Variants in SRBD1 observed in about 807,000 individuals in gnomAD.
The protein encoded by SRBD1 is S1 RNA binding domain 1, also known as S1 RNA-binding domain-containing protein 1.
A neutral mutation model predicts 115.3 loss-of-function variants in SRBD1; 88 were observed. The ratio of observed to expected loss-of-function variants is 0.76; its 90% CI spans 0.64 to 0.91. The LOEUF (loss-of-function observed/expected upper bound fraction) is 0.91, where lower values mean the gene tolerates loss of function less well. Ranked by LOEUF, SRBD1 falls within the 40% of genes least tolerant of loss-of-function variation. The pLI, the probability that SRBD1 is intolerant of heterozygous loss-of-function variation, is 0.00. For missense variants in SRBD1, 1,385 were observed against 1,177.4 expected, an observed-to-expected ratio of 1.18 and a Z score of -2.58; for synonymous variants, 509 against 407.7, an observed-to-expected ratio of 1.25 and a Z score of -2.99.
Position 45,559,908 on chromosome 2 carries a change from CCT to C in SRBD1, c.1409+2743_1409+2744del, listed in dbSNP as rs1347334076. ...ACAGCCTGGGAAATATGGCAAAACC[CCT>C]GTCTCTACAAGAAAGAAAAATTTAG... On this transcript the variant is annotated intron_variant, in intron 10 of 20. Coordinates refer to ENST00000263736, the MANE Select transcript of SRBD1 (RefSeq NM_018079.5). Among the ~76,000 whole-genome samples the C allele has an allele frequency of 2.0e-5, 3 of 151,934 alleles. No homozygotes were observed. The East Asian group carries it at 5.8e-4, about 30-fold the overall frequency.
chr2:45,433,586 C>A (rs539028375), intron 16 of SRBD1, among the ~76,000 whole-genome samples: 81 of 152,226 alleles, frequency 5.3e-4, no homozygotes, highest in African/African-American at 1.9e-3. Flanking sequence ...CCATGACAGA[C>A]AGAACTGACA....
chr2:45,604,207 C>G (rs1311820638), intron 2 of SRBD1, among the ~76,000 whole-genome samples: 1 of 151,980 alleles, frequency 6.6e-6, no homozygotes, highest in African/African-American at 2.4e-5. Context: ...GAATATTTTA[C>G]AAATATAAAC....
chr2:45,528,547 G>T (rs959538540), intron 14 of SRBD1, among the ~76,000 whole-genome samples: 2 of 151,816 alleles, frequency 1.3e-5, no homozygotes, highest in Non-Finnish European at 2.9e-5. Context: ...AGCTAAATTT[G>T]GTTGAAACTG....
intron 18 of SRBD1, among the ~76,000 whole-genome samples, chr2:45,414,926 C>CACACACAGTGTTATATAGTATGT (rs1667763673): frequency 1.1e-5 from 1 of 90,532 alleles, no homozygotes; most frequent in Non-Finnish European, 2.2e-5. Context: ...ATAGTATGTA[C>CACACACAGTGTTATATAGTATGT]ACACACAGTG....
intron 14 of SRBD1, among the ~76,000 whole-genome samples, chr2:45,525,117 A>G (rs1671402987): frequency 6.6e-6 from 1 of 151,996 alleles, no homozygotes; most frequent in African/African-American, 2.4e-5. Context: ...CCCTTACTTT[A>G]CACCATGTAC....
chr2:45,410,272 G>T (rs1365293029), intron 19 of SRBD1, among the ~76,000 whole-genome samples: 1 of 152,176 alleles, frequency 6.6e-6, no homozygotes, highest in South Asian at 2.1e-4. Flanking sequence ...AAGGTAACCA[G>T]AATTCTCATG....
intron 10 of SRBD1, among the ~76,000 whole-genome samples, chr2:45,559,521 G>A (rs989075283): frequency 1.6e-4 from 24 of 152,044 alleles, no homozygotes; most frequent in African/African-American, 5.1e-4. Context: ...ATTAAACTAC[G>A]CTGTCATCAT....
At chr2:45,549,602 G>C (rs759892682) in intron 12 of SRBD1, among the ~76,000 whole-genome samples, 1 of 148,906 alleles carries the variant, frequency 6.7e-6, no homozygotes, top group Admixed American at 6.8e-5. Context: ...GGTAATCCCA[G>C]CACTTTGGAA....
In SRBD1 at chr2:45,441,656, T is replaced by C. The variant is rs556522257; in HGVS notation, c.2050-21762A>G. Among the ~76,000 whole-genome samples, 539 of 152,348 alleles carry C rather than the reference T, an allele frequency of 3.5e-3. 9 individuals carry two copies. The highest frequency in any genetic ancestry group is 0.012 in the African/African-American group (515 of 41,592). On this transcript the variant is annotated intron_variant, in intron 16 of 20. Transcript: ENST00000263736. ...AAACCAGGGACAAATTTCTAACAGT[T>C]CGGCTTTTGGATTCTTCTTGCTGAA...
intron 15 of SRBD1, among the ~76,000 whole-genome samples, chr2:45,483,823 C>T (rs551595530): frequency 6.6e-6 from 1 of 151,914 alleles, no homozygotes; most frequent in Non-Finnish European, 1.5e-5. Context: ...TTTTAGAAGT[C>T]GATGCAAATC....
intron 7 of SRBD1, among the ~76,000 whole-genome samples, chr2:45,577,472 A>G (rs1162652859): frequency 6.6e-6 from 1 of 152,202 alleles, no homozygotes; most frequent in African/African-American, 2.4e-5. Flanking sequence ...CGAAAGGCCA[A>G]CATTTCTTTT....
rs181027053 is a variant in SRBD1, at chr2:45,593,134, T to A, written c.648+6315A>T. Reference sequence around the variant, plus strand: ...ATTTTTTGTACTTCTAAGACAGAGGTACTTATTTTGACTGTTGTTTTAGGC... The same window carrying A: ...ATTTTTTGTACTTCTAAGACAGAGGAACTTATTTTGACTGTTGTTTTAGGC... On this transcript the variant is annotated intron_variant, in intron 4 of 20. Transcript: ENST00000263736. Among the ~76,000 whole-genome samples the A allele has an allele frequency of 2.2e-3, 332 of 152,276 alleles. 3 individuals are homozygous for A. Among genetic ancestry groups the A allele is most frequent in the Middle Eastern group, 0.017 (5 of 294 alleles).
At chr2:45,393,941 T>C (rs1482388853) in intron 19 of SRBD1, among the ~76,000 whole-genome samples, 1 of 152,178 alleles carries the variant, frequency 6.6e-6, no homozygotes, top group Admixed American at 6.5e-5. Context: ...CTGTGCAGCA[T>C]ACCATCAGCT....
At chr2:45,466,057 G>C (rs1270306890) in intron 16 of SRBD1, among the ~76,000 whole-genome samples, 1 of 152,146 alleles carries the variant, frequency 6.6e-6, no homozygotes, top group Non-Finnish European at 1.5e-5. Context: ...ACAAGAAGTG[G>C]AAACAGCCTA....
chr2:45,521,260 T>C (rs994183554), intron 14 of SRBD1, among the ~76,000 whole-genome samples: 12 of 146,828 alleles, frequency 8.2e-5, no homozygotes, highest in African/African-American at 1.3e-4. Context: ...ATATAAGAAC[T>C]CCTACAACTC....
chr2:45,404,560 G>C (rs1343289427), intron 19 of SRBD1, among the ~76,000 whole-genome samples: 1 of 152,032 alleles, frequency 6.6e-6, no homozygotes, highest in Non-Finnish European at 1.5e-5. Context: ...ATCCTATTGA[G>C]TCTACTTTTA....
intron 16 of SRBD1, among the ~76,000 whole-genome samples, chr2:45,420,643 C>G (rs1426580870): frequency 1.3e-5 from 2 of 152,078 alleles, no homozygotes; most frequent in African/African-American, 2.4e-5. Flanking sequence ...CCTAAAATTT[C>G]TTCACATTCA....
chr2:45,424,226 A>C (rs1387856571), intron 16 of SRBD1, among the ~76,000 whole-genome samples: 1 of 152,118 alleles, frequency 6.6e-6, no homozygotes, highest in Non-Finnish European at 1.5e-5. Context: ...GTTGCCTCAT[A>C]CTTTGTGCTA....
At chr2:45,567,839 T>C (rs1672881154) in intron 9 of SRBD1, 1 of 152,242 alleles carries the variant, frequency 6.6e-6, no homozygotes, top group South Asian at 2.1e-4. Context: ...AGTTATTTAA[T>C]TCCGATTTAC....
Sources: gnomAD v4.1 joint callset for allele counts (sites outside exome capture counted in the v4.1 genomes callset) on GRCh38, gnomAD v4.1.1 for gene constraint, MANE v1.5 for transcripts, NCBI Gene and HGNC (gene_info 2026-07-23, HGNC 2026-07-21) for gene names.